CSNK1G1: variants seen among roughly 807,000 people sequenced by gnomAD.
CSNK1G1 encodes the protein casein kinase I isoform gamma-1.
In CSNK1G1, 22 loss-of-function variants were observed where a neutral mutation model predicts 59.6. That is an observed-to-expected ratio of 0.37 (90% CI 0.26 to 0.53). CSNK1G1 has a LOEUF of 0.53. Ranked by LOEUF, CSNK1G1 falls within the 20% of genes least tolerant of loss-of-function variation. The probability of loss-of-function intolerance (pLI) is 0.89; values close to 1 mark genes in which losing one functional copy is unlikely to be tolerated. For synonymous variants in CSNK1G1, 179 were observed against 177.1 expected (o/e 1.01, Z -0.08); for missense variants, 384 against 519.5 (o/e 0.74, Z 2.54).
chr15:64,339,285 C>T (rs979886861), intron 1 of CSNK1G1, among the ~76,000 whole-genome samples: 1 of 152,096 alleles, frequency 6.6e-6, no homozygotes, highest in Admixed American at 6.6e-5. Flanking sequence ...TGAGGACCAG[C>T]AATCTGTGTT....
chr15:64,238,518 A>AATATATATATATAT (rs1212005568), intron 4 of CSNK1G1, among the ~76,000 whole-genome samples: 21 of 49,238 alleles, frequency 4.3e-4, no homozygotes, highest in African/African-American at 1.8e-3. Context: ...AAAAAAAAAA[A>AATATATATATATAT]ATATATATAT....
intron 1 of CSNK1G1, among the ~76,000 whole-genome samples, chr15:64,305,053 A>G (rs1336236682): frequency 6.6e-6 from 1 of 152,144 alleles, no homozygotes; most frequent in Admixed American, 6.6e-5. Context: ...CTTTCTCCTT[A>G]TAAGTCTTTT....
chr15:64,207,678 C>G (rs559279030), intron 6 of CSNK1G1, 84 bp from the exon 7 acceptor site: 15 of 1,004,722 alleles, frequency 1.5e-5, no homozygotes, highest in Middle Eastern at 2.0e-4. Flanking sequence ...CTTCAGAAAC[C>G]CTTCGGCTCT....
chr15:64,203,400 G>A (rs1418342982), intron 9 of CSNK1G1, among the ~76,000 whole-genome samples: 1 of 151,788 alleles, frequency 6.6e-6, no homozygotes, highest in African/African-American at 2.4e-5. Flanking sequence ...GCTTACCTTC[G>A]AAAACAAAAA....
At chr15:64,218,282 T>C (rs1017075837) in intron 4 of CSNK1G1, among the ~76,000 whole-genome samples, 4 of 152,098 alleles carry the variant, frequency 2.6e-5, no homozygotes, top group South Asian at 4.2e-4. Flanking sequence ...GGGTGGGATA[T>C]AGACAGATGT....
intron 4 of CSNK1G1, among the ~76,000 whole-genome samples, chr15:64,235,392 G>T (rs935461825): frequency 6.6e-6 from 1 of 152,118 alleles, no homozygotes; most frequent in Non-Finnish European, 1.5e-5. Flanking sequence ...CCAAACATGA[G>T]ATGACAAAAT....
At chr15:64,206,719 T>C (rs1369675572) in intron 7 of CSNK1G1, among the ~76,000 whole-genome samples, 3 of 150,322 alleles carry the variant, frequency 2.0e-5, no homozygotes, top group Admixed American at 1.3e-4. Context: ...ATAATTATAA[T>C]AGTAAACTGA....
chr15:64,223,173 T>C (rs1218725540), intron 4 of CSNK1G1, among the ~76,000 whole-genome samples: 1 of 152,146 alleles, frequency 6.6e-6, no homozygotes, highest in Non-Finnish European at 1.5e-5. Flanking sequence ...ACTAAGAAAG[T>C]CTGTCTCTTT....
intron 10 of CSNK1G1, among the ~76,000 whole-genome samples, chr15:64,184,663 C>T (rs571038707): frequency 2.1e-5 from 3 of 141,264 alleles, no homozygotes; most frequent in Non-Finnish European, 4.6e-5. Context: ...GACAACAATG[C>T]GAAACTCTGT....
chr15:64,269,490 C>G (rs898277466), intron 2 of CSNK1G1, among the ~76,000 whole-genome samples: 1 of 141,268 alleles, frequency 7.1e-6, no homozygotes, highest in Non-Finnish European at 1.5e-5. Context: ...TTTCTGATGG[C>G]TATTTTTTTT....
chr15:64,187,723 C>T (rs1270747256), intron 10 of CSNK1G1, among the ~76,000 whole-genome samples: 1 of 152,170 alleles, frequency 6.6e-6, no homozygotes, highest in African/African-American at 2.4e-5. Flanking sequence ...GATGGTGTCA[C>T]TTACCAGTAT....
At chr15:64,307,423 C>T (rs1202935454) in intron 1 of CSNK1G1, among the ~76,000 whole-genome samples, 7 of 152,092 alleles carry the variant, frequency 4.6e-5, no homozygotes, top group African/African-American at 1.7e-4. Flanking sequence ...CTCAAAACTA[C>T]AAAATATTGG....
intron 10 of CSNK1G1, among the ~76,000 whole-genome samples, chr15:64,191,284 T>C (rs1339086044): frequency 2.0e-5 from 3 of 152,118 alleles, no homozygotes; most frequent in African/African-American, 7.2e-5. Flanking sequence ...ATGGTCTCGA[T>C]TTCCTGACCT....
At chr15:64,338,724 A>AAC (rs1897527085) in intron 1 of CSNK1G1, among the ~76,000 whole-genome samples, 1 of 144,654 alleles carries the variant, frequency 6.9e-6, no homozygotes, top group Non-Finnish European at 1.5e-5. Flanking sequence ...AAAAAAAAAA[A>AAC]AAAACACTTC....
At chr15:64,328,060 A>G (rs1247327154) in intron 1 of CSNK1G1, among the ~76,000 whole-genome samples, 1 of 70,654 alleles carries the variant, frequency 1.4e-5, no homozygotes, top group Non-Finnish European at 2.8e-5. Flanking sequence ...GGTGTACCTG[A>G]AAGTGATGGG....
At chr15:64,229,250 G>A (rs1341681868) in intron 4 of CSNK1G1, among the ~76,000 whole-genome samples, 1 of 151,956 alleles carries the variant, frequency 6.6e-6, no homozygotes, top group African/African-American at 2.4e-5. Flanking sequence ...CTTTTGCCTG[G>A]TCTGCATCCT....
In CSNK1G1 at chr15:64,190,240, G is replaced by A. The variant is rs572762875; in HGVS notation, c.1108-9786C>T. Among the ~76,000 whole-genome samples the A allele has an allele frequency of 2.3e-4, 35 of 152,266 alleles. 1 individual carries two copies. In the South Asian group the frequency reaches 2.7e-3, roughly 12 times the overall value. On this transcript the variant is annotated intron_variant, in intron 10 of 11. Coordinates refer to ENST00000303052, the MANE Select transcript of CSNK1G1 (RefSeq NM_022048.5). ...AAACATATTCTATGAGAAGGCAGCT[G>A]TATGGACTTGCTCTATTACCTTATA... is the stretch of plus-strand genomic sequence containing the variant.
At chr15:64,182,412 C>T (rs2081831612) in intron 10 of CSNK1G1, among the ~76,000 whole-genome samples, 1 of 152,086 alleles carries the variant, frequency 6.6e-6, no homozygotes, top group South Asian at 2.1e-4. Flanking sequence ...TTTGTTTAAA[C>T]ACAGGGAGAC....
intron 2 of CSNK1G1, among the ~76,000 whole-genome samples, chr15:64,287,695 C>G (rs919134946): frequency 1.3e-5 from 2 of 152,176 alleles, no homozygotes; most frequent in African/African-American, 4.8e-5. Flanking sequence ...TTAACTCATT[C>G]TCTTTTATGA....
Sources: gnomAD v4.1 joint callset for allele counts (sites outside exome capture counted in the v4.1 genomes callset) on GRCh38, gnomAD v4.1.1 for gene constraint, MANE v1.5 for transcripts, NCBI Gene and HGNC (gene_info 2026-07-23, HGNC 2026-07-21) for gene names.